Variants in CSMD1 observed in about 807,000 individuals in gnomAD.
CSMD1 encodes CUB and Sushi multiple domains 1.
CSMD1 carries 213 observed loss-of-function variants against 417.5 expected under a neutral mutation model. The ratio of observed to expected loss-of-function variants is 0.51; its 90% CI spans 0.46 to 0.57. CSMD1 has a LOEUF of 0.57. Among genes scored for constraint, CSMD1 ranks in the 20% least tolerant of loss-of-function variants. The probability of loss-of-function intolerance (pLI) is 0.00; values close to 1 mark genes in which losing one functional copy is unlikely to be tolerated. For synonymous variants in CSMD1, 2,862 were observed against 1,736.8 expected (o/e 1.65, Z -16.11); for missense variants, 6,923 against 4,529.7 (o/e 1.53, Z -15.17).
At chr8:4,983,459 G>C (rs1203901925) in intron 1 of CSMD1, among the ~76,000 whole-genome samples, 2 of 152,168 alleles carry the variant, frequency 1.3e-5, no homozygotes. Flanking sequence ...AGTTCTCCAG[G>C]ACTTTAAGAT....
intron 21 of CSMD1, among the ~76,000 whole-genome samples, chr8:3,357,243 G>A (rs1585047040): frequency 6.6e-6 from 1 of 152,310 alleles, no homozygotes; most frequent in African/African-American, 2.4e-5. Flanking sequence ...CCTGTCCAAG[G>A]CCCTCCTGTC....
At chr8:3,526,300 G>C (rs1797751088) in intron 10 of CSMD1, among the ~76,000 whole-genome samples, 1 of 150,716 alleles carries the variant, frequency 6.6e-6, no homozygotes, top group African/African-American at 2.4e-5. Flanking sequence ...AATAGATATA[G>C]GCAATGTTTA....
chr8:4,839,645 G>T (rs563406529), intron 1 of CSMD1, among the ~76,000 whole-genome samples: 2 of 152,040 alleles, frequency 1.3e-5, no homozygotes, highest in African/African-American at 2.4e-5. Flanking sequence ...CCTCACACAT[G>T]GTTGGGCATG....
At chr8:4,061,534 T>C (rs949463854) in intron 3 of CSMD1, among the ~76,000 whole-genome samples, 3 of 152,288 alleles carry the variant, frequency 2.0e-5, no homozygotes, top group African/African-American at 7.2e-5. Flanking sequence ...GAAGCTGCAG[T>C]GAAGAAAGCC....
chr8:3,841,581 C>T (rs950278463), intron 5 of CSMD1, among the ~76,000 whole-genome samples: 1 of 151,918 alleles, frequency 6.6e-6, no homozygotes, highest in Admixed American at 6.6e-5. Context: ...ACAAAATCAC[C>T]AAATATTAGC....
rs186741526 is a variant in CSMD1 at position 4,603,809 on chromosome 8, G to C, written c.302+33533C>G. On this transcript the variant is annotated intron_variant, in intron 2 of 69. Coordinates refer to ENST00000635120, the MANE Select transcript of CSMD1 (RefSeq NM_033225.6). ...AAACACAATAATTTCCAATGTTTGA[G>C]AAAGCAGCACACATTTTAAATATTG... Among the ~76,000 whole-genome samples the C allele has an allele frequency of 6.6e-5, 10 of 152,200 alleles. No individual in the cohort carries two copies. The East Asian group carries it at 1.4e-3, about 21-fold the overall frequency.
chr8:3,719,316 T>C (rs1488838186), intron 6 of CSMD1, among the ~76,000 whole-genome samples: 2 of 152,068 alleles, frequency 1.3e-5, no homozygotes, highest in Admixed American at 1.3e-4. Flanking sequence ...ATAGCTGAGC[T>C]CCAATCTCAC....
chr8:3,490,542 T>C (rs1173791135), intron 11 of CSMD1, among the ~76,000 whole-genome samples: 2 of 152,198 alleles, frequency 1.3e-5, no homozygotes, highest in African/African-American at 4.8e-5. Flanking sequence ...TGGGTTACAT[T>C]TTTCAGCTCT....
rs117965769 is a variant in CSMD1, at chr8:3,020,790, C to T, written c.7856-2140G>A. 2.9e-3 allele frequency among the ~76,000 whole-genome samples: 446 copies of T among 152,272 alleles called. 2 individuals carry two copies. Among genetic ancestry groups the T allele is most frequent in the Non-Finnish European group, 4.5e-3 (306 of 68,024 alleles). On this transcript the variant is annotated intron_variant, in intron 51 of 69. Coordinates refer to ENST00000635120, the MANE Select transcript of CSMD1 (RefSeq NM_033225.6). Reference sequence around the variant, plus strand: ...GGAGGTCCAACTCGAGAGTCCATCACGACCAGCACACTATTGTTATTGAGA... The same window carrying T: ...GGAGGTCCAACTCGAGAGTCCATCATGACCAGCACACTATTGTTATTGAGA...
chr8:4,948,204 T>C (rs1228217104), intron 1 of CSMD1, among the ~76,000 whole-genome samples: 1 of 152,126 alleles, frequency 6.6e-6, no homozygotes, highest in Non-Finnish European at 1.5e-5. Flanking sequence ...CAGGTCATAA[T>C]ATATACGAGT....
chr8:3,244,341 G>C (rs757251969), intron 26 of CSMD1, among the ~76,000 whole-genome samples: 1 of 152,124 alleles, frequency 6.6e-6, no homozygotes, highest in African/African-American at 2.4e-5. Context: ...CAGTCACTCC[G>C]GAGGTCCTCT....
chr8:4,468,253 C>G lies in CSMD1; in HGVS notation c.303-48188G>C, dbSNP rs577039069. 1.4e-4 allele frequency among the ~76,000 whole-genome samples: 22 copies of G among 152,330 alleles called. No homozygotes were observed. In the East Asian group the frequency reaches 3.9e-3, roughly 27 times the overall value. On this transcript the variant is annotated intron_variant, in intron 2 of 69. Transcript: ENST00000635120. ...GAAAGGAAGGAGAGCTGGCTGACTT[C>G]TGAGACTCCTGACCCCACCTTCACC... is the stretch of plus-strand genomic sequence containing the variant.
At chr8:3,867,906 C>G (rs4495446) in intron 5 of CSMD1, among the ~76,000 whole-genome samples, 12,310 of 151,968 alleles carry the variant, frequency 0.081, 547 homozygotes, top group South Asian at 0.15. Flanking sequence ...CTCTGTGTCA[C>G]CTCCGCCTCC....
At chr8:3,357,765 C>T (rs570859547) in intron 21 of CSMD1, among the ~76,000 whole-genome samples, 4 of 151,902 alleles carry the variant, frequency 2.6e-5, no homozygotes, top group African/African-American at 7.3e-5. Flanking sequence ...TGCAAAATAC[C>T]GTATTTTTTT....
rs115227943 is a variant in CSMD1 at position 3,815,859 on chromosome 8, G to A, written c.819-61817C>T. ...CCCAGCATGTGGCAGAGAAACTAGA[G>A]CCAGTGATGCTCCAGACTTGTTACA... On this transcript the variant is annotated intron_variant, in intron 5 of 69. Transcript: ENST00000635120. Among the ~76,000 whole-genome samples the A allele has an allele frequency of 2.4e-3, 365 of 152,238 alleles. 1 individual carries two copies. Among genetic ancestry groups the A allele is most frequent in the African/African-American group, 7.5e-3 (311 of 41,524 alleles).
intron 1 of CSMD1, among the ~76,000 whole-genome samples, chr8:4,639,213 C>G (rs1228770035): frequency 1.3e-5 from 2 of 151,730 alleles, no homozygotes; most frequent in Non-Finnish European, 1.5e-5. Flanking sequence ...CACATACAAG[C>G]TCTCCGTGCC....
intron 51 of CSMD1, among the ~76,000 whole-genome samples, chr8:3,020,695 G>A (rs1291987492): frequency 6.6e-6 from 1 of 152,044 alleles, no homozygotes. Flanking sequence ...GGACAACCGA[G>A]GCTCTATCTC....
intron 7 of CSMD1, among the ~76,000 whole-genome samples, chr8:3,708,138 T>C (rs1162241207): frequency 1.3e-5 from 2 of 152,130 alleles, no homozygotes; most frequent in East Asian, 3.9e-4. Context: ...ACTGACCGTG[T>C]CACATATACT....
At chr8:4,305,281 C>G (rs1461474160) in intron 3 of CSMD1, among the ~76,000 whole-genome samples, 1 of 152,188 alleles carries the variant, frequency 6.6e-6, no homozygotes, top group Non-Finnish European at 1.5e-5. Context: ...GGGAACTGAG[C>G]TGCATCAGCC....
Sources: gnomAD v4.1 joint callset for allele counts (sites outside exome capture counted in the v4.1 genomes callset) on GRCh38, gnomAD v4.1.1 for gene constraint, MANE v1.5 for transcripts, NCBI Gene and HGNC (gene_info 2026-07-23, HGNC 2026-07-21) for gene names.